The following FERMT2 variants were observed in gnomAD, a reference collection of about 807,000 sequenced individuals.
FERMT2 encodes FERM domain containing kindlin 2.
Under a neutral mutation model 82.7 loss-of-function variants are expected in FERMT2, and 15 were observed. The ratio of observed to expected loss-of-function variants is 0.18; its 90% CI spans 0.12 to 0.28. The LOEUF is 0.28. Among genes scored for constraint, FERMT2 ranks in the 10% least tolerant of loss-of-function variants. The pLI is 1.00. For synonymous variants in FERMT2, 274 were observed against 271.5 expected, an observed-to-expected ratio of 1.01 and a Z score of -0.09; for missense variants, 645 against 809.4, an observed-to-expected ratio of 0.80 and a Z score of 2.46.
At chr14:52,912,195 G>C (rs1013340008) in intron 3 of FERMT2, among the ~76,000 whole-genome samples, 1 of 152,066 alleles carries the variant, frequency 6.6e-6, no homozygotes, top group African/African-American at 2.4e-5. Flanking sequence ...TGTGCCCTTG[G>C]TATCTGCTCC....
intron 3 of FERMT2, among the ~76,000 whole-genome samples, chr14:52,904,293 G>A (rs765626501): frequency 6.6e-6 from 1 of 152,224 alleles, no homozygotes; most frequent in African/African-American, 2.4e-5. Flanking sequence ...AAGGTGGGCG[G>A]ATCACCTGAG....
intron 10 of FERMT2, among the ~76,000 whole-genome samples, chr14:52,870,190 C>G (rs1033406870): frequency 6.6e-6 from 1 of 151,738 alleles, no homozygotes; most frequent in Non-Finnish European, 1.5e-5. Context: ...CCATTCACAC[C>G]CAGAGCAACT....
chr14:52,944,684 C>T lies in FERMT2; in HGVS notation c.157+5728G>A, dbSNP rs533898756. On this transcript the variant is annotated intron_variant, in intron 2 of 14. Transcript: ENST00000341590. ...TGAGATGCAATGAACGTATACCATA[C>T]TTAATGATCACGTTAAGGGATTTTT... Among the ~76,000 whole-genome samples the T allele has an allele frequency of 3.3e-5, 5 of 152,318 alleles. No homozygotes were observed. In the South Asian group the frequency reaches 8.3e-4, roughly 25 times the overall value.
chr14:52,934,833 A>G (rs1268310488), intron 2 of FERMT2, among the ~76,000 whole-genome samples: 1 of 152,100 alleles, frequency 6.6e-6, no homozygotes, highest in Non-Finnish European at 1.5e-5. Flanking sequence ...TCAATTATCC[A>G]TTTTTTTAAA....
chr14:52,897,416 T>A (rs143321627), intron 3 of FERMT2, among the ~76,000 whole-genome samples: 1,552 of 152,308 alleles, frequency 0.01, 28 homozygotes, highest in African/African-American at 0.035. Flanking sequence ...ATGTCTTTGA[T>A]TAGTAGTAAC....
intron 3 of FERMT2, among the ~76,000 whole-genome samples, chr14:52,909,665 G>T (rs1888203554): frequency 6.6e-6 from 1 of 152,190 alleles, no homozygotes; most frequent in Non-Finnish European, 1.5e-5. Flanking sequence ...GCGGGCACAT[G>T]TAATCCCAGC....
intron 4 of FERMT2, among the ~76,000 whole-genome samples, chr14:52,885,290 G>GT (rs1406022218): frequency 9.4e-6 from 1 of 106,286 alleles, no homozygotes; most frequent in African/African-American, 3.5e-5. Context: ...TCCAGCCTGG[G>GT]TAACAGGGCG....
At chr14:52,886,664 AAAAT>A (rs1886628096) in intron 4 of FERMT2, among the ~76,000 whole-genome samples, 1 of 152,218 alleles carries the variant, frequency 6.6e-6, no homozygotes, top group Non-Finnish European at 1.5e-5. Flanking sequence ...TGCAGAGCAT[AAAAT>A]ATATATTAGG....
At chr14:52,865,098 G>A (rs1049150039) in intron 10 of FERMT2, among the ~76,000 whole-genome samples, 21 of 152,122 alleles carry the variant, frequency 1.4e-4, no homozygotes, top group Non-Finnish European at 2.8e-4. Flanking sequence ...CGAGGCGGGC[G>A]GATCACCTGA....
rs147679632 is a variant in FERMT2 at position 52,937,661 on chromosome 14, C to T, written c.157+12751G>A. Among the ~76,000 whole-genome samples the T allele has an allele frequency of 3.9e-5, 6 of 152,274 alleles. No individual in the cohort carries two copies. The East Asian group carries it at 9.6e-4, about 24-fold the overall frequency. On this transcript the variant is annotated intron_variant, in intron 2 of 14. Transcript: ENST00000341590. ...CCTCACCATATAATAGTTGGCTCTC[C>T]GTAAATGTTTGTTGCTGCTACTACA...
chr14:52,885,477 C>T (rs1266553457), intron 4 of FERMT2, among the ~76,000 whole-genome samples: 2 of 152,102 alleles, frequency 1.3e-5, no homozygotes, highest in Non-Finnish European at 2.9e-5. Flanking sequence ...ACAATCCCAA[C>T]TAAGTTGTTT....
chr14:52,917,570 A>C (rs1044225945), intron 3 of FERMT2, among the ~76,000 whole-genome samples: 37 of 152,188 alleles, frequency 2.4e-4, no homozygotes, highest in Admixed American at 1.4e-3. Context: ...ATTAGATCAA[A>C]AAGGCAATGT....
At chr14:52,881,690 C>A in intron 4 of FERMT2, 1 of 1,084,288 alleles carries the variant, frequency 9.2e-7, no homozygotes, top group Non-Finnish European at 1.3e-6. Context: ...ATTAAGTTGG[C>A]AGAAATTCTG....
intron 4 of FERMT2, among the ~76,000 whole-genome samples, chr14:52,882,191 TAA>T (rs930395512): frequency 1.3e-5 from 2 of 152,212 alleles, no homozygotes; most frequent in African/African-American, 2.4e-5. Flanking sequence ...TCTCAGTGAA[TAA>T]ACAGGTTTCA....
At chr14:52,859,805 T>A in intron 13 of FERMT2, 91 bp from the exon 14 acceptor site, 3 of 674,300 alleles carry the variant, frequency 4.4e-6, no homozygotes, top group Non-Finnish European at 6.9e-6. Flanking sequence ...TCTCTAACCC[T>A]AAAAGAGTAC....
intron 3 of FERMT2, among the ~76,000 whole-genome samples, chr14:52,905,501 G>A (rs1887953034): frequency 6.6e-6 from 1 of 152,212 alleles, no homozygotes; most frequent in Non-Finnish European, 1.5e-5. Flanking sequence ...AAAGGAGAGT[G>A]CTTAGGAGGC....
rs1297902904 is a variant in FERMT2, at chr14:52,858,183, G to GTTTA, written c.*190_*193dup. Reference sequence around the variant, plus strand: ...CCTAAGGAATGTGTGACAAATTCAAGTTTATTATATCATAACATGATAGAT... The same window carrying GTTTA: ...CCTAAGGAATGTGTGACAAATTCAAGTTTATTTATTATATCATAACATGATAGAT... On this transcript the variant is annotated 3_prime_UTR_variant, in exon 15 of 15. Coordinates refer to ENST00000341590, the MANE Select transcript of FERMT2 (RefSeq NM_006832.3). The GTTTA allele has an allele frequency of 3.8e-6, 2 of 524,000 alleles. No homozygotes were observed. Among genetic ancestry groups the GTTTA allele is most frequent in the East Asian group, 5.9e-5 (2 of 33,716 alleles). The allele number at this position is 524,000 out of a possible 1,614,324, so 32.5% of individuals were successfully genotyped here. A position where few individuals can be genotyped will look rare whatever the true frequency, so the allele number is the denominator to read the frequency against.
chr14:52,859,638 C>G lies in FERMT2; in HGVS notation c.1804G>C (p.Asp602His). The G allele has an allele frequency of 1.2e-6, 2 of 1,612,256 alleles. No homozygotes were observed. Among genetic ancestry groups the G allele is most frequent in the Non-Finnish European group, 1.7e-6 (2 of 1,179,080 alleles). The change falls in exon 14 of 15, where the codon GAT becomes CAT. Residue 602 changes from aspartate to histidine, a missense_variant. Transcript: ENST00000341590. ...CTGAAACGCCATGTTTTAATTGCATCTCCAGTGCTGGCATCCATCCGAATC... is the reference window on the plus strand; with the variant it reads ...CTGAAACGCCATGTTTTAATTGCATGTCCAGTGCTGGCATCCATCCGAATC... The part of the protein sequence containing the change: ...RLIRMDASTG[D>H]AIKTWRFSNM...
At chr14:52,877,020 T>C (rs142736435) in intron 7 of FERMT2, among the ~76,000 whole-genome samples, 12 of 152,278 alleles carry the variant, frequency 7.9e-5, no homozygotes, top group African/African-American at 2.6e-4. Context: ...GTTCCTTCTG[T>C]AGTGATATGG....
Sources: allele counts gnomAD v4.1 joint callset (sites outside exome capture counted in the v4.1 genomes callset), GRCh38; gene constraint gnomAD v4.1.1; transcripts MANE v1.5; gene names NCBI Gene and HGNC (gene_info 2026-07-23, HGNC 2026-07-21).